The following AGBL4 variants were observed in gnomAD, a reference collection of about 807,000 sequenced individuals.
The protein encoded by AGBL4 is cytosolic carboxypeptidase 6.
Under a neutral mutation model 66.4 loss-of-function variants are expected in AGBL4, and 58 were observed. The ratio of observed to expected loss-of-function variants is 0.87; its 90% CI spans 0.71 to 1.09. The LOEUF is 1.09. AGBL4 is among the 50% of genes least tolerant of loss of function. The pLI, the probability that AGBL4 is intolerant of heterozygous loss-of-function variation, is 0.00. For synonymous variants in AGBL4, 234 were observed against 222.9 expected (o/e 1.05, Z -0.44); for missense variants, 579 against 631.0 (o/e 0.92, Z 0.88).
chr1:49,060,156 C>T (rs751222174), intron 4 of AGBL4, among the ~76,000 whole-genome samples: 21 of 152,018 alleles, frequency 1.4e-4, no homozygotes, highest in Non-Finnish European at 2.6e-4. Flanking sequence ...CCCATAAGCC[C>T]CATATGTTGT....
intron 1 of AGBL4, among the ~76,000 whole-genome samples, chr1:49,957,623 T>C (rs1247953766): frequency 2.0e-5 from 3 of 152,060 alleles, no homozygotes; most frequent in African/African-American, 7.2e-5. Context: ...ATGGCCTTCT[T>C]TGTCTCTTTT....
At chr1:49,693,673 G>C (rs960865736) in intron 3 of AGBL4, among the ~76,000 whole-genome samples, 4 of 151,528 alleles carry the variant, frequency 2.6e-5, no homozygotes, top group African/African-American at 9.7e-5. Context: ...ATTGCACATT[G>C]ACTATTTTTA....
At position 49,474,594 on chromosome 1, in the gene AGBL4, C is replaced by CT. The variant is rs537919561; in HGVS notation, c.282+222718dup. Among the ~76,000 whole-genome samples, 654 of 148,288 alleles carry CT rather than the reference C, an allele frequency of 4.4e-3. 6 individuals are homozygous for CT. Among genetic ancestry groups the CT allele is most frequent in the African/African-American group, 0.013 (535 of 40,592 alleles). On this transcript the variant is annotated intron_variant, in intron 3 of 13. Coordinates refer to ENST00000371839, the MANE Select transcript of AGBL4 (RefSeq NM_032785.4). ...TTCTTGACTTGGTTCTCAGCTTGAACTTTTTTTTTTGGTGTATTAAAATGC... is the reference window on the plus strand; with the variant it reads ...TTCTTGACTTGGTTCTCAGCTTGAACTTTTTTTTTTTGGTGTATTAAAATGC...
At chr1:49,546,771 T>G (rs1050464141) in intron 3 of AGBL4, among the ~76,000 whole-genome samples, 2 of 152,214 alleles carry the variant, frequency 1.3e-5, no homozygotes, top group Non-Finnish European at 2.9e-5. Flanking sequence ...ATATTGTGCA[T>G]TGTTTCATAT....
chr1:49,006,378 G>A (rs539872708), intron 5 of AGBL4, among the ~76,000 whole-genome samples: 35 of 152,124 alleles, frequency 2.3e-4, no homozygotes, highest in East Asian at 1.2e-3. Context: ...AGGGTCCTAC[G>A]CCCACGGAGT....
chr1:48,573,452 T>C (rs1361180732), intron 11 of AGBL4, among the ~76,000 whole-genome samples: 1 of 152,192 alleles, frequency 6.6e-6, no homozygotes, highest in Non-Finnish European at 1.5e-5. Context: ...AGGGCTAATA[T>C]ATGCTGTTTC....
At chr1:49,701,467 A>G (rs1011271190) in intron 2 of AGBL4, among the ~76,000 whole-genome samples, 2 of 152,158 alleles carry the variant, frequency 1.3e-5, no homozygotes, top group Non-Finnish European at 2.9e-5. Context: ...ATGTATAGTT[A>G]TATAGTTATC....
Position 49,196,095 on chromosome 1 carries a change from A to G in AGBL4, c.377+49675T>C, listed in dbSNP as rs372068157. On this transcript the variant is annotated intron_variant, in intron 4 of 13. Transcript: ENST00000371839. ...CTCATCCATATGGAACTGTGAGTCA[A>G]TTAAACCTTTTTCCTATGTAAATTA... is the stretch of plus-strand genomic sequence containing the variant. Among the ~76,000 whole-genome samples the G allele has an allele frequency of 1.1e-4, 16 of 152,330 alleles. No homozygotes were observed. In the East Asian group the frequency reaches 2.7e-3, roughly 26 times the overall value.
At chr1:48,948,269 G>A (rs530895684) in intron 5 of AGBL4, among the ~76,000 whole-genome samples, 1 of 152,292 alleles carries the variant, frequency 6.6e-6, no homozygotes, top group African/African-American at 2.4e-5. Context: ...TGTGCCTTGC[G>A]CTTTGTCAGC....
At chr1:49,006,046 C>T (rs1053445565) in intron 5 of AGBL4, among the ~76,000 whole-genome samples, 7 of 151,968 alleles carry the variant, frequency 4.6e-5, no homozygotes, top group African/African-American at 1.2e-4. Flanking sequence ...ATAGGAACAG[C>T]TCGGGTCTAC....
rs374583666 is a variant in AGBL4 at position 48,821,242 on chromosome 1, G to T, written c.634+45949C>A. Reference sequence around the variant, plus strand: ...ATTTGACCTAGCAATGTCACTACTGGGCATCTACCCAAAAGAAAATAAATC... The same window carrying T: ...ATTTGACCTAGCAATGTCACTACTGTGCATCTACCCAAAAGAAAATAAATC... On this transcript the variant is annotated intron_variant, in intron 6 of 13. Coordinates refer to ENST00000371839, the MANE Select transcript of AGBL4 (RefSeq NM_032785.4). Among the ~76,000 whole-genome samples the T allele has an allele frequency of 8.5e-4, 130 of 152,146 alleles. 1 individual carries two copies. The highest frequency in any genetic ancestry group is 3.0e-3 in the African/African-American group (126 of 41,502).
intron 5 of AGBL4, among the ~76,000 whole-genome samples, chr1:48,922,270 T>A (rs906988449): frequency 1.4e-4 from 21 of 152,298 alleles, no homozygotes; most frequent in African/African-American, 4.3e-4. Flanking sequence ...AGGTGGCTCA[T>A]GACAAAGGCA....
At chr1:48,588,101 C>T (rs1225704763) in intron 10 of AGBL4, among the ~76,000 whole-genome samples, 2 of 151,992 alleles carry the variant, frequency 1.3e-5, no homozygotes, top group African/African-American at 4.8e-5. Context: ...CTGAGGTTTC[C>T]TCTCTATAGA....
At chr1:49,935,555 C>A (rs1653894991) in intron 1 of AGBL4, among the ~76,000 whole-genome samples, 1 of 152,208 alleles carries the variant, frequency 6.6e-6, no homozygotes, top group Non-Finnish European at 1.5e-5. Flanking sequence ...TAACCCCTGA[C>A]CCCTGAGCAG....
At chr1:48,720,850 A>G (rs560229123) in intron 6 of AGBL4, among the ~76,000 whole-genome samples, 51 of 152,174 alleles carry the variant, frequency 3.4e-4, no homozygotes, top group South Asian at 1.0e-3. Flanking sequence ...GGAATGAAGG[A>G]TGGAAGAAGA....
At chr1:48,716,086 A>C (rs895709752) in intron 6 of AGBL4, among the ~76,000 whole-genome samples, 1 of 152,200 alleles carries the variant, frequency 6.6e-6, no homozygotes, top group African/African-American at 2.4e-5. Flanking sequence ...GGCATATGGA[A>C]ATCTTGCAAT....
the AGBL4 span, among the ~76,000 whole-genome samples, chr1:48,527,832 C>T: frequency 2.6e-5 from 4 of 151,952 alleles, no homozygotes; most frequent in African/African-American, 4.8e-5. Context: ...AGAAATGGGG[C>T]GTGAAAGACA....
chr1:49,239,098 T>C (rs1314126154), intron 4 of AGBL4, among the ~76,000 whole-genome samples: 1 of 152,182 alleles, frequency 6.6e-6, no homozygotes, highest in Non-Finnish European at 1.5e-5. Flanking sequence ...GAAATATTTG[T>C]TTTTGAAAAC....
intron 3 of AGBL4, among the ~76,000 whole-genome samples, chr1:49,671,286 G>A (rs534513434): frequency 6.6e-6 from 1 of 152,258 alleles, no homozygotes; most frequent in African/African-American, 2.4e-5. Context: ...GCCACATGCA[G>A]AAGATTGAAG....
Sources: gnomAD v4.1 joint callset for allele counts (sites outside exome capture counted in the v4.1 genomes callset) on GRCh38, gnomAD v4.1.1 for gene constraint, MANE v1.5 for transcripts, NCBI Gene and HGNC (gene_info 2026-07-23, HGNC 2026-07-21) for gene names.